Variants in HIP1R observed in about 807,000 individuals in gnomAD.
The protein encoded by HIP1R is huntingtin interacting protein 1 related.
A neutral mutation model predicts 144.2 loss-of-function variants in HIP1R; 135 were observed. The observed-to-expected ratio is 0.94, with a 90% confidence interval of 0.81 to 1.08. The LOEUF is 1.08. HIP1R is among the 50% of genes least tolerant of loss of function. The probability of loss-of-function intolerance (pLI) is 0.00; values close to 1 mark genes in which losing one functional copy is unlikely to be tolerated. For missense variants in HIP1R, 1,462 were observed against 1,432.8 expected, an observed-to-expected ratio of 1.02 and a Z score of -0.33; for synonymous variants, 698 against 612.8, an observed-to-expected ratio of 1.14 and a Z score of -2.05.
Position 122,861,875 on chromosome 12 carries a change from C to T in HIP1R, c.*122C>T. On this transcript the variant is annotated 3_prime_UTR_variant, in exon 32 of 32. Coordinates refer to ENST00000253083, the MANE Select transcript of HIP1R (RefSeq NM_003959.3). Reference sequence around the variant, plus strand: ...AAGCCTCCCGCCCCACCGTCTGGATCAATGTCCTCAAGGCCCCTGGCCCTT... The same window carrying T: ...AAGCCTCCCGCCCCACCGTCTGGATTAATGTCCTCAAGGCCCCTGGCCCTT... 1 of 878,302 alleles carries T rather than the reference C, an allele frequency of 1.1e-6. No individual in the cohort carries two copies. The highest frequency in any genetic ancestry group is 1.8e-6 in the Non-Finnish European group (1 of 562,480). 54.4% of individuals were successfully genotyped at this position (878,302 alleles called of 1,614,324 possible). A position where few individuals can be genotyped will look rare whatever the true frequency, so the allele number is the denominator to read the frequency against.
At chr12:122,837,574 T>TCC (rs2032943370) in intron 1 of HIP1R, among the ~76,000 whole-genome samples, 1 of 152,192 alleles carries the variant, frequency 6.6e-6, no homozygotes, top group African/African-American at 2.4e-5. Flanking sequence ...CCGCCTCACC[T>TCC]CGGCCTCCCG....
chr12:122,859,425 G>A lies in HIP1R; in HGVS notation c.2296-1G>A, dbSNP rs750526747. ...CCCTGTCTGACTCCCATCCTCACCA[G>A]GAACTGAAACCCAAGAGCCTAGATG... On this transcript the variant is annotated splice_acceptor_variant, in intron 22 of 31. Coordinates refer to ENST00000253083, the MANE Select transcript of HIP1R (RefSeq NM_003959.3). LOFTEE classifies it high-confidence loss of function. 8 of 1,612,652 alleles carry A rather than the reference G, an allele frequency of 5.0e-6. No homozygotes were observed. In the South Asian group the frequency reaches 8.8e-5, roughly 18 times the overall value.
upstream of HIP1R, chr12:122,835,443 G>A (rs1404405837): frequency 7.8e-6 from 9 of 1,149,716 alleles, no homozygotes; most frequent in African/African-American, 3.3e-5. Flanking sequence ...CCGGCGGGCG[G>A]GCCCGGGCGC....
Position 122,859,796 on chromosome 12 carries a change from G to A in HIP1R, c.2431G>A (p.Ala811Thr), listed in dbSNP as rs144867165. 166 of 1,612,908 alleles carry A rather than the reference G, an allele frequency of 1.0e-4. No individual in the cohort carries two copies. The African/African-American group carries it at 1.7e-3, about 16-fold the overall frequency. Residue 811 changes from alanine to threonine, a missense_variant, in exon 24 of 32, where the codon GCC (alanine) becomes ACC (threonine). Around this residue, in one of 2 missense-constraint regions of HIP1R, gnomAD observed 1,112 missense variants for 1,011.7 expected, o/e 1.10. Transcript: ENST00000253083. ...IEDMMNQARHASSGVKLEVNE... is the reference protein window; with the variant it reads ...IEDMMNQARHTSSGVKLEVNE... Reference sequence around the variant, plus strand: ...GGACATGATGAACCAGGCACGCCACGCCAGCTCGGGGGTGAAGCTGGAGGT... The same window carrying A: ...GGACATGATGAACCAGGCACGCCACACCAGCTCGGGGGTGAAGCTGGAGGT...
intron 1 of HIP1R, among the ~76,000 whole-genome samples, chr12:122,844,986 C>T (rs567232672): frequency 2.6e-5 from 4 of 152,358 alleles, no homozygotes; most frequent in South Asian, 4.1e-4. Flanking sequence ...GGGAGAACTA[C>T]GTTCACCCCA....
rs977983430 is a variant in HIP1R at position 122,842,879 on chromosome 12, C to T, written c.94-5152C>T. 3.3e-5 allele frequency among the ~76,000 whole-genome samples: 5 copies of T among 152,238 alleles called. No homozygotes were observed. In the East Asian group the frequency reaches 5.8e-4, roughly 18 times the overall value. ...CAGCTCTGGGCTGCTCACGAGTCAG[C>T]GGGCTCTGTCTGGCCTGATTGTTCC... On this transcript the variant is annotated intron_variant, in intron 1 of 31. Coordinates refer to ENST00000253083, the MANE Select transcript of HIP1R (RefSeq NM_003959.3).
intron 4 of HIP1R, 46 bp from the exon 5 acceptor site, chr12:122,849,829 A>G: frequency 7.1e-7 from 1 of 1,412,280 alleles, no homozygotes; most frequent in South Asian, 1.2e-5. Context: ...GGACTCTTGG[A>G]CGTGTTCACG....
chr12:122,848,977 T>A, intron 4 of HIP1R, 125 bp downstream of exon 4: 3 of 951,158 alleles, frequency 3.2e-6, no homozygotes, highest in Non-Finnish European at 5.0e-6. Flanking sequence ...GGGGCGACAG[T>A]GGGAGGGGCA....
At position 122,861,902 on chromosome 12, in the gene HIP1R, C is replaced by CT; in HGVS notation, c.*150dup. 1.4e-6 allele frequency: 1 copy of CT among 690,892 alleles called. No individual in the cohort carries two copies. 42.8% of individuals were successfully genotyped at this position (690,892 alleles called of 1,614,324 possible). On this transcript the variant is annotated 3_prime_UTR_variant, in exon 32 of 32. Transcript: ENST00000253083. ...ATGTCCTCAAGGCCCCTGGCCCTTA[C>CT]TGAGCCTGCAGGGTCCTGGGCCATG...
chr12:122,851,171 G>C (rs1332820601), intron 6 of HIP1R, 65 bp from the exon 7 acceptor site: 1 of 1,391,768 alleles, frequency 7.2e-7, no homozygotes, highest in South Asian at 1.5e-5. Flanking sequence ...TGGAGGGGGC[G>C]TCTCAGGACG....
intron 16 of HIP1R, 29 bp downstream of exon 16, chr12:122,856,577 C>T: frequency 1.3e-6 from 2 of 1,597,888 alleles, no homozygotes; most frequent in East Asian, 2.3e-5. Context: ...AGGGCCCTGC[C>T]CCGGCATCCC....
chr12:122,855,216 G>A, intron 10 of HIP1R, 49 bp from the exon 11 acceptor site: 3 of 1,610,856 alleles, frequency 1.9e-6, no homozygotes, highest in Non-Finnish European at 2.5e-6. Flanking sequence ...GGCGGAAGGA[G>A]GGCTTGCTTA....
Position 122,861,311 on chromosome 12 carries a change from C to G in HIP1R, c.2956C>G (p.Arg986Gly), listed in dbSNP as rs756583740. 1 of 1,613,600 alleles carries G rather than the reference C, an allele frequency of 6.2e-7. No individual in the cohort carries two copies. The highest frequency in any genetic ancestry group is 1.1e-5 in the South Asian group (1 of 91,084). Residue 986 changes from arginine (R) to glycine (G), a missense_variant, in exon 31 of 32, where the codon CGT (arginine) becomes GGT (glycine). Arg to Gly is a moderately radical substitution (Grantham distance 125). Coordinates refer to ENST00000253083, the MANE Select transcript of HIP1R (RefSeq NM_003959.3). ...LKKQEMETQV[R>G]VLELEKTLEA... ...TGAGCAGGCCGTGTGGCTACAGGTG[C>G]GTGTCCTGGAGCTGGAGAAGACGCT...
rs769809738 is a variant in HIP1R, at chr12:122,856,315, G to A, written c.1372G>A (p.Val458Ile). 5.6e-6 allele frequency: 9 copies of A among 1,613,778 alleles called. No homozygotes were observed. The highest frequency in any genetic ancestry group is 3.3e-5 in the Admixed American group (2 of 60,008). The part of the protein sequence containing the change: ...NKLKEKHSEL[V>I]HVHAELLRKN... ...GCTGAAGGAAAAGCACAGTGAGCTC[G>A]TCCATGTGCACGCGGAGCTGCTCAG... is the stretch of plus-strand genomic sequence containing the variant. The change falls in exon 15 of 32, where the codon GTC becomes ATC. Residue 458 changes from valine to isoleucine, a missense_variant. Around this residue, in one of 2 missense-constraint regions of HIP1R, gnomAD observed 1,112 missense variants for 1,011.7 expected, o/e 1.10. Transcript: ENST00000253083.
intron 1 of HIP1R, among the ~76,000 whole-genome samples, chr12:122,837,416 T>G (rs756745608): frequency 6.6e-6 from 1 of 152,050 alleles, no homozygotes; most frequent in African/African-American, 2.4e-5. Context: ...CCTCCCGGGT[T>G]CAAGTGATTC....
At position 122,860,808 on chromosome 12, in the gene HIP1R, C is replaced by T. The variant is rs776712811; in HGVS notation, c.2766+24C>T. On this transcript the variant is annotated intron_variant, in intron 28 of 31. Transcript: ENST00000253083. ...AGGTGAGCTTGCACGCCGACAGCAGCACACTGGGCTCTGGGCCCAGCTTGG... is the reference window on the plus strand; with the variant it reads ...AGGTGAGCTTGCACGCCGACAGCAGTACACTGGGCTCTGGGCCCAGCTTGG... 25 of 1,608,292 alleles carry T rather than the reference C, an allele frequency of 1.6e-5. 1 individual carries two copies. Among genetic ancestry groups the T allele is most frequent in the Admixed American group, 3.4e-5 (2 of 59,308 alleles).
Position 122,856,147 on chromosome 12 carries a change from G to A in HIP1R, c.1296G>A (p.Leu432=). 2.5e-6 allele frequency: 4 copies of A among 1,597,920 alleles called. No homozygotes were observed. Among genetic ancestry groups the A allele is most frequent in the Non-Finnish European group, 3.4e-6 (4 of 1,172,830 alleles). The change falls in exon 14 of 32, where the codon CTG becomes CTA. Residue 432 remains leucine, a synonymous_variant. Coordinates refer to ENST00000253083, the MANE Select transcript of HIP1R (RefSeq NM_003959.3). ...AQLEGERSQG[L]REEAERKASA... ...TGGAGGGCGAGCGGAGCCAGGGCCT[G>A]CGTGAGGAGGCTGAGAGTACGTGGG...
chr12:122,857,134 C>G lies in HIP1R; in HGVS notation c.1734C>G (p.Arg578=). The G allele has an allele frequency of 6.4e-7, 1 of 1,550,460 alleles. No homozygotes were observed. The highest frequency in any genetic ancestry group is 8.7e-7 in the Non-Finnish European group (1 of 1,146,938). ...TGCTGGCGGCGCAGAGCCTGGTGCG[C>G]GAGACAGAGGCGGCGCTGAGCCGGG... ...ADLLAAQSLV[R]ETEAALSREQ... Residue 578 remains arginine, a synonymous_variant, in exon 18 of 32, where the codon CGC becomes CGG. Transcript: ENST00000253083.
At chr12:122,842,587 A>G (rs2033087188) in intron 1 of HIP1R, among the ~76,000 whole-genome samples, 3 of 152,208 alleles carry the variant, frequency 2.0e-5, no homozygotes. Flanking sequence ...ATCGGTGGAC[A>G]GACAACTCCG....
Sources: gnomAD v4.1 joint callset for allele counts (sites outside exome capture counted in the v4.1 genomes callset) on GRCh38, gnomAD v4.1.1 for gene constraint, gnomAD v4.1.1 regional missense constraint, MANE v1.5 for transcripts, NCBI Gene and HGNC (gene_info 2026-07-23, HGNC 2026-07-21) for gene names.